Variants in NALF1 observed in about 807,000 individuals in gnomAD.
The protein encoded by NALF1 is family with sequence similarity 155 member A.
NALF1 carries 3 observed loss-of-function variants against 48.4 expected under a neutral mutation model. The ratio of observed to expected loss-of-function variants is 0.06; its 90% CI spans 0.03 to 0.16. The LOEUF (loss-of-function observed/expected upper bound fraction) is 0.16. NALF1 is among the 10% of genes least tolerant of loss of function. NALF1 has a pLI of 1.00. For missense variants in NALF1, 526 were observed against 571.5 expected (o/e 0.92, Z 0.81); for synonymous variants, 262 against 245.7 (o/e 1.07, Z -0.62).
intron 1 of NALF1, among the ~76,000 whole-genome samples, chr13:107,298,004 C>A (rs9559004): frequency 0.45 from 67,990 of 151,902 alleles, 15,707 homozygotes; most frequent in South Asian, 0.59. Flanking sequence ...CCAAATATCT[C>A]CCATACTGTA....
intron 1 of NALF1, among the ~76,000 whole-genome samples, chr13:107,681,272 T>C (rs1881293621): frequency 1.3e-5 from 2 of 152,118 alleles, no homozygotes; most frequent in Non-Finnish European, 2.9e-5. Flanking sequence ...AAAATAGTTA[T>C]TTATTTGATT....
At chr13:107,539,270 GA>G in intron 1 of NALF1, among the ~76,000 whole-genome samples, 1 of 152,076 alleles carries the variant, frequency 6.6e-6, no homozygotes, top group South Asian at 2.1e-4. Flanking sequence ...TCCCATGACA[GA>G]AGGATGGAAG....
chr13:107,245,053 C>T (rs1489591297), intron 1 of NALF1, among the ~76,000 whole-genome samples: 1 of 152,126 alleles, frequency 6.6e-6, no homozygotes, highest in East Asian at 1.9e-4. Flanking sequence ...ATTACAATAG[C>T]TGGAGATAGC....
At chr13:107,400,058 A>C (rs1464676929) in intron 1 of NALF1, among the ~76,000 whole-genome samples, 1 of 152,170 alleles carries the variant, frequency 6.6e-6, no homozygotes, top group Non-Finnish European at 1.5e-5. Context: ...CATGACATTA[A>C]CTTAATACTA....
At chr13:107,370,939 T>C (rs1316871796) in intron 1 of NALF1, among the ~76,000 whole-genome samples, 1 of 152,100 alleles carries the variant, frequency 6.6e-6, no homozygotes, top group African/African-American at 2.4e-5. Flanking sequence ...GAGGACATCA[T>C]AGAGGTAACT....
intron 1 of NALF1, among the ~76,000 whole-genome samples, chr13:107,668,075 T>G (rs1054452830): frequency 6.6e-6 from 1 of 152,134 alleles, no homozygotes; most frequent in Non-Finnish European, 1.5e-5. Flanking sequence ...ACTGAAAACT[T>G]ATATATTGGT....
chr13:107,174,831 T>C (rs1050335481), intron 2 of NALF1, among the ~76,000 whole-genome samples: 2 of 150,676 alleles, frequency 1.3e-5, no homozygotes, highest in African/African-American at 2.5e-5. Context: ...GTCAGAGTGG[T>C]CCCCCGCCCT....
chr13:107,696,020 C>T (rs1881692705), intron 1 of NALF1, among the ~76,000 whole-genome samples: 1 of 152,030 alleles, frequency 6.6e-6, no homozygotes, highest in Non-Finnish European at 1.5e-5. Flanking sequence ...CCGCAGCCTC[C>T]TGAATAGCTG....
intron 1 of NALF1, among the ~76,000 whole-genome samples, chr13:107,269,972 G>A (rs1217360981): frequency 4.1e-5 from 5 of 122,820 alleles, no homozygotes; most frequent in Admixed American, 1.1e-4. Flanking sequence ...GAGTTTCTCC[G>A]TGTTAGCCAG....
At chr13:107,406,366 C>G (rs1427262309) in intron 1 of NALF1, among the ~76,000 whole-genome samples, 1 of 151,830 alleles carries the variant, frequency 6.6e-6, no homozygotes, top group Non-Finnish European at 1.5e-5. Context: ...TATAGAAACA[C>G]CAATAGTGAG....
At chr13:107,720,083 G>A (rs777173096) in intron 1 of NALF1, among the ~76,000 whole-genome samples, 7 of 152,032 alleles carry the variant, frequency 4.6e-5, no homozygotes, top group Admixed American at 6.6e-5. Context: ...TCCTGCCCAC[G>A]TGCAACTAGA....
chr13:107,528,607 G>A (rs115550097), intron 1 of NALF1, among the ~76,000 whole-genome samples: 1 of 152,102 alleles, frequency 6.6e-6, no homozygotes, highest in Non-Finnish European at 1.5e-5. Context: ...AGGGATAAAG[G>A]CCTGTTCTCC....
chr13:107,594,758 G>A (rs1378659449), intron 1 of NALF1, among the ~76,000 whole-genome samples: 1 of 151,982 alleles, frequency 6.6e-6, no homozygotes, highest in Non-Finnish European at 1.5e-5. Context: ...GAAAACTAAA[G>A]TAAATTAATA....
At chr13:107,848,562 C>T (rs1280557201) in intron 1 of NALF1, among the ~76,000 whole-genome samples, 1 of 152,164 alleles carries the variant, frequency 6.6e-6, no homozygotes, top group Non-Finnish European at 1.5e-5. Flanking sequence ...TTCCTTGTTA[C>T]TTGCCACATG....
At chr13:107,421,304 TC>T (rs756415228) in intron 1 of NALF1, among the ~76,000 whole-genome samples, 3 of 152,174 alleles carry the variant, frequency 2.0e-5, no homozygotes, top group Non-Finnish European at 4.4e-5. Flanking sequence ...ATCTCAATAC[TC>T]ATTAACAAAG....
rs957952401 is a variant in NALF1 at position 107,779,643 on chromosome 13, T to C, written c.915+86039A>G. Among the ~76,000 whole-genome samples, 7 of 152,360 alleles carry C rather than the reference T, an allele frequency of 4.6e-5. No homozygotes were observed. The East Asian group carries it at 1.4e-3, about 29-fold the overall frequency. On this transcript the variant is annotated intron_variant, in intron 1 of 2. Transcript: ENST00000375915. The stretch of plus-strand genomic sequence containing the variant: ...CCTGGCTTGCCAAGCACTCGTTCTG[T>C]AGTCTGCCTTTTAAACTAAGTTTGA...
At chr13:107,544,901 A>T (rs1486892608) in intron 1 of NALF1, among the ~76,000 whole-genome samples, 2 of 152,178 alleles carry the variant, frequency 1.3e-5, no homozygotes, top group Non-Finnish European at 1.5e-5. Context: ...CAGAATGGAG[A>T]TCACCGTCCT....
chr13:107,733,211 C>T (rs1876364704), intron 1 of NALF1, among the ~76,000 whole-genome samples: 1 of 152,180 alleles, frequency 6.6e-6, no homozygotes, highest in Admixed American at 6.6e-5. Context: ...CTTATGCCGA[C>T]TTAAACTGTC....
In NALF1 at chr13:107,728,695, A is replaced by AAAATAAATAAATAAAT. The variant is rs34497886; in HGVS notation, c.915+136971_915+136986dup. On this transcript the variant is annotated intron_variant, in intron 1 of 2. Transcript: ENST00000375915. ...GCGCATGTATCCCAGAACTTAAAGTAAAATAAATAAATAAATAAATAAATA... is the reference window on the plus strand; with the variant it reads ...GCGCATGTATCCCAGAACTTAAAGTAAAATAAATAAATAAATAAATAAATAAATAAATAAATAAATA... Among the ~76,000 whole-genome samples, 53 of 148,392 alleles carry AAAATAAATAAATAAAT rather than the reference A, an allele frequency of 3.6e-4. 1 individual carries two copies. Among genetic ancestry groups the AAAATAAATAAATAAAT allele is most frequent in the African/African-American group, 1.2e-3 (50 of 40,534 alleles).
Sources: allele counts gnomAD v4.1 joint callset (sites outside exome capture counted in the v4.1 genomes callset), GRCh38; gene constraint gnomAD v4.1.1; transcripts MANE v1.5; gene names NCBI Gene and HGNC (gene_info 2026-07-23, HGNC 2026-07-21).